POLR3F: variants seen among roughly 807,000 people sequenced by gnomAD.
POLR3F encodes RNA polymerase III subunit F.
Under a neutral mutation model 43.6 loss-of-function variants are expected in POLR3F, and 31 were observed. The observed-to-expected ratio is 0.71, with a 90% CI of 0.53 to 0.96. The LOEUF is 0.96. Ranked by LOEUF, POLR3F falls within the 40% of genes least tolerant of loss-of-function variation. POLR3F has a pLI of 0.00. For synonymous variants in POLR3F, 114 were observed against 132.5 expected, an observed-to-expected ratio of 0.86 and a Z score of 0.96; for missense variants, 316 against 391.7, an observed-to-expected ratio of 0.81 and a Z score of 1.63.
chr20:18,480,409 C>G lies in POLR3F; in HGVS notation c.581C>G (p.Thr194Arg), dbSNP rs745958513. Reference protein sequence around the residue: ...CFKFLQSKAETARESKQNPMI... With the variant: ...CFKFLQSKAERARESKQNPMI... ...ATGTTTCAATCCTTATAGGCAGAAA[C>G]AGCACGAGAAAGCAAACAGAACCCA... The change falls in exon 7 of 9, where the codon ACA (threonine) becomes AGA (arginine). Residue 194 changes from threonine (T) to arginine (R), a missense_variant. Thr to Arg is a moderately conservative substitution (Grantham distance 71). This residue lies in a region of POLR3F where 109 missense variants were observed against 177.7 expected (regional missense o/e 0.61). Coordinates refer to ENST00000377603, the MANE Select transcript of POLR3F (RefSeq NM_006466.4). The G allele has an allele frequency of 6.2e-7, 1 of 1,604,664 alleles. No homozygotes were observed. Among genetic ancestry groups the G allele is most frequent in the Non-Finnish European group, 8.5e-7 (1 of 1,171,576 alleles).
At chr20:18,469,118 T>C (rs2059732712) in intron 2 of POLR3F, 57 bp downstream of exon 2, 1 of 824,334 alleles carries the variant, frequency 1.2e-6, no homozygotes, top group Admixed American at 1.7e-5. Flanking sequence ...TCACTGGTTT[T>C]TATTATGTAG....
intron 5 of POLR3F, among the ~76,000 whole-genome samples, chr20:18,477,757 G>C (rs576328264): frequency 6.6e-6 from 1 of 152,182 alleles, no homozygotes; most frequent in South Asian, 2.1e-4. Flanking sequence ...TAAAAAGATC[G>C]GGGTGAGGGC....
rs780093172 is a variant in POLR3F, at chr20:18,480,088, T to C, written c.480T>C (p.Ser160=). The change falls in exon 6 of 9, where the codon TCT becomes TCC. Residue 160 remains serine, a synonymous_variant. Coordinates refer to ENST00000377603, the MANE Select transcript of POLR3F (RefSeq NM_006466.4). ...TCTATAACCTGCAGCCAGACCGGTC[T>C]GTGACTGGTGGAGCCTGGTACAGTG... ...YMLYNLQPDR[S]VTGGAWYSDQ... 1 of 1,607,902 alleles carries C rather than the reference T, an allele frequency of 6.2e-7. No individual in the cohort carries two copies. The highest frequency in any genetic ancestry group is 1.7e-5 in the Admixed American group (1 of 59,928).
intron 5 of POLR3F, among the ~76,000 whole-genome samples, chr20:18,475,618 G>T (rs1300019289): frequency 6.6e-6 from 1 of 152,098 alleles, no homozygotes; most frequent in Non-Finnish European, 1.5e-5. Context: ...TGTTTTTCCT[G>T]CTCCTCATCC....
intron 3 of POLR3F, 172 bp downstream of exon 3, chr20:18,473,081 T>C (rs2148862748): frequency 5.1e-6 from 2 of 392,138 alleles, no homozygotes; most frequent in East Asian, 7.8e-5. Flanking sequence ...TGTATATCCT[T>C]TCTTCTAGCT....
chr20:18,470,985 A>G (rs561865585), intron 2 of POLR3F, among the ~76,000 whole-genome samples: 2 of 152,172 alleles, frequency 1.3e-5, no homozygotes, highest in South Asian at 4.2e-4. Context: ...CCATGACTCC[A>G]TCTGTCTCAG....
At position 18,483,695 on chromosome 20, in the gene POLR3F, A is replaced by G. The variant is rs2059822942; in HGVS notation, c.*137A>G. ...GACGTAGACTTGCTGCTATGAAAAC[A>G]TATTTTTTTTATTTATGAAGACTAA... On this transcript the variant is annotated 3_prime_UTR_variant, in exon 9 of 9. Coordinates refer to ENST00000377603, the MANE Select transcript of POLR3F (RefSeq NM_006466.4). 4 of 434,190 alleles carry G rather than the reference A, an allele frequency of 9.2e-6. No homozygotes were observed. The highest frequency in any genetic ancestry group is 6.1e-5 in the African/African-American group (3 of 48,962). 26.9% of individuals were successfully genotyped at this position (434,190 alleles called of 1,614,324 possible).
Position 18,468,998 on chromosome 20 carries a change from G to A in POLR3F, c.117G>A (p.Gln39=), listed in dbSNP as rs552136416. The stretch of plus-strand genomic sequence containing the variant: ...ATGGAATCACAGACCAAGTAATTCA[G>A]AATGAAATGCCTCATATAGAAGCCC... ...FPHGITDQVI[Q]NEMPHIEAQQ... The change falls in exon 2 of 9, where the codon CAG becomes CAA. Residue 39 remains glutamine, a synonymous_variant. Transcript: ENST00000377603. 46 of 1,600,628 alleles carry A rather than the reference G, an allele frequency of 2.9e-5. 1 individual carries two copies. The South Asian group carries it at 5.0e-4, about 17-fold the overall frequency.
At chr20:18,472,513 T>C (rs2059759113) in intron 2 of POLR3F, among the ~76,000 whole-genome samples, 2 of 152,104 alleles carry the variant, frequency 1.3e-5, no homozygotes, top group South Asian at 4.1e-4. Context: ...TTTTTCACTG[T>C]GCAACAGAAT....
chr20:18,475,269 A>C, intron 5 of POLR3F, 82 bp downstream of exon 5: 1 of 613,346 alleles, frequency 1.6e-6, no homozygotes, highest in Admixed American at 3.0e-5. Context: ...GATTTAGAAC[A>C]GCTGGTCAAA....
chr20:18,479,487 CCT>C (rs1364928972), intron 5 of POLR3F, among the ~76,000 whole-genome samples: 9 of 152,054 alleles, frequency 5.9e-5, no homozygotes, highest in African/African-American at 1.4e-4. Flanking sequence ...AGTGCAAGAC[CCT>C]GTCTCCAAAA....
intron 4 of POLR3F, among the ~76,000 whole-genome samples, chr20:18,473,923 A>G (rs942141401): frequency 1.3e-5 from 2 of 152,102 alleles, no homozygotes; most frequent in African/African-American, 4.8e-5. Flanking sequence ...CTCCGCAGCT[A>G]TAGTTTCTCT....
chr20:18,478,840 C>G (rs1296032771), intron 5 of POLR3F, among the ~76,000 whole-genome samples: 1 of 152,030 alleles, frequency 6.6e-6, no homozygotes, highest in Non-Finnish European at 1.5e-5. Flanking sequence ...ATAAAATGAA[C>G]ATGTAGAAAA....
In POLR3F at chr20:18,467,497, C is replaced by G; in HGVS notation, c.-10C>G. ...CATCTTTCCCCCCAGGCGTCAGGAACTGCGCCCTCATGGCGGAGGTGAAGG... is the reference window on the plus strand; with the variant it reads ...CATCTTTCCCCCCAGGCGTCAGGAAGTGCGCCCTCATGGCGGAGGTGAAGG... On this transcript the variant is annotated 5_prime_UTR_variant, in exon 1 of 9. Coordinates refer to ENST00000377603, the MANE Select transcript of POLR3F (RefSeq NM_006466.4). 1 of 1,614,218 alleles carries G rather than the reference C, an allele frequency of 6.2e-7. No homozygotes were observed. Among genetic ancestry groups the G allele is most frequent in the Non-Finnish European group, 8.5e-7 (1 of 1,180,006 alleles).
Position 18,480,057 on chromosome 20 carries a change from A to G in POLR3F, c.449A>G (p.Tyr150Cys). Residue 150 changes from tyrosine to cysteine, a missense_variant, in exon 6 of 9, where the codon TAT becomes TGT. Around this residue, in one of 3 missense-constraint regions of POLR3F, gnomAD observed 109 missense variants for 177.7 expected, o/e 0.61. Transcript: ENST00000377603. ...TCCTAGGCCTCAAAAAAGAAGGTGT[A>G]TATGCTCTATAACCTGCAGCCAGAC... ...KSVAASKKKV[Y>C]MLYNLQPDRS... is the part of the protein sequence containing the mutation. 2 of 1,611,008 alleles carry G rather than the reference A, an allele frequency of 1.2e-6. No homozygotes were observed. The highest frequency in any genetic ancestry group is 2.2e-5 in the South Asian group (2 of 90,550).
At chr20:18,474,869 T>C (rs2059771972) in intron 4 of POLR3F, among the ~76,000 whole-genome samples, 2 of 152,194 alleles carry the variant, frequency 1.3e-5, no homozygotes, top group African/African-American at 4.8e-5. Flanking sequence ...TTCCAAGAAA[T>C]TTCTAGTTAG....
rs2059820644 is a variant in POLR3F at position 18,483,359 on chromosome 20, A to C, written c.874-122A>C. The C allele has an allele frequency of 5.7e-6, 3 of 525,500 alleles. No homozygotes were observed. The Admixed American group carries it at 1.1e-4, about 20-fold the overall frequency. The allele number at this position is 525,500 out of a possible 1,614,324, so 32.6% of individuals were successfully genotyped here. A position where few individuals can be genotyped will look rare whatever the true frequency, so the allele number is the denominator to read the frequency against. ...CTGCGTCCGGCTATAATATGTTCTT[A>C]AGTACAGTCCTAGTCCCTTTCAGTT... On this transcript the variant is annotated intron_variant, in intron 8 of 8. Coordinates refer to ENST00000377603, the MANE Select transcript of POLR3F (RefSeq NM_006466.4).
In POLR3F at chr20:18,467,410, A is replaced by T. The variant is rs1488137007; in HGVS notation, c.-97A>T. 2.2e-6 allele frequency: 3 copies of T among 1,378,504 alleles called. No individual in the cohort carries two copies. Among genetic ancestry groups the T allele is most frequent in the East Asian group, 2.3e-5 (1 of 43,334 alleles). The allele number at this position is 1,378,504 out of a possible 1,614,324, so 85.4% of individuals were successfully genotyped here. On this transcript the variant is annotated 5_prime_UTR_variant, in exon 1 of 9. Coordinates refer to ENST00000377603, the MANE Select transcript of POLR3F (RefSeq NM_006466.4). ...ACGAGGAAGAAGGCCCCTCGGCCTC[A>T]GCAGAGCGCTATCCTCCACTGGTTC... is the stretch of plus-strand genomic sequence containing the variant.
At position 18,483,695 on chromosome 20, in the gene POLR3F, A is replaced by AT; in HGVS notation, c.*138dup. The AT allele has an allele frequency of 2.3e-6, 1 of 434,302 alleles. No homozygotes were observed. Among genetic ancestry groups the AT allele is most frequent in the East Asian group, 3.5e-5 (1 of 28,210 alleles). The allele number at this position is 434,302 out of a possible 1,614,324, so 26.9% of individuals were successfully genotyped here. On this transcript the variant is annotated 3_prime_UTR_variant, in exon 9 of 9. Transcript: ENST00000377603. ...GACGTAGACTTGCTGCTATGAAAAC[A>AT]TATTTTTTTTATTTATGAAGACTAA... is the stretch of plus-strand genomic sequence containing the variant.
Sources: allele counts gnomAD v4.1 joint callset (sites outside exome capture counted in the v4.1 genomes callset), GRCh38; gene constraint gnomAD v4.1.1; regional missense constraint gnomAD v4.1.1; transcripts MANE v1.5; gene names NCBI Gene and HGNC (gene_info 2026-07-23, HGNC 2026-07-21).